FREM1: variants seen among roughly 807,000 people sequenced by gnomAD.
The protein encoded by FREM1 is FRAS1 related extracellular matrix 1, also known as FRAS1-related extracellular matrix protein 1.
A neutral mutation model predicts 210.1 loss-of-function variants in FREM1; 220 were observed. The observed-to-expected ratio is 1.05, with a 90% CI of 0.94 to 1.17. FREM1 has a LOEUF of 1.17. FREM1 is among the 50% of genes most tolerant of loss of function. FREM1 has a pLI of 0.00. For missense variants in FREM1, 3,454 were observed against 2,675.5 expected (o/e 1.29, Z -6.42); for synonymous variants, 1,189 against 980.2 (o/e 1.21, Z -3.98).
intron 1 of FREM1, among the ~76,000 whole-genome samples, chr9:14,890,553 T>TAAAAC (rs542986658): frequency 1.0e-3 from 158 of 152,304 alleles, no homozygotes; most frequent in African/African-American, 2.8e-3. Context: ...TCTTTTTCAT[T>TAAAAC]AAAACAAAAC....
intron 8 of FREM1, 90 bp downstream of exon 8, chr9:14,845,870 A>G: frequency 1.5e-6 from 2 of 1,328,078 alleles, no homozygotes; most frequent in South Asian, 2.6e-5. Flanking sequence ...AATTGGGCCC[A>G]AGAGATGCTA....
Position 14,780,907 on chromosome 9 carries a change from T to C in FREM1, c.4442+3463A>G, listed in dbSNP as rs546944960. Among the ~76,000 whole-genome samples the C allele has an allele frequency of 2.6e-5, 4 of 152,316 alleles. No homozygotes were observed. The South Asian group carries it at 6.2e-4, about 24-fold the overall frequency. On this transcript the variant is annotated intron_variant, in intron 24 of 36. Transcript: ENST00000380880. ...TGACAAACAACATAGCAGTCCGTGA[T>C]TGGGTTAGTGAAATGACAAGATTAA...
chr9:14,787,853 G>A (rs1587975581), intron 23 of FREM1, among the ~76,000 whole-genome samples: 3 of 152,152 alleles, frequency 2.0e-5, no homozygotes, highest in Admixed American at 2.0e-4. Context: ...AGAGATAAAT[G>A]TGTACAGTAA....
intron 10 of FREM1, among the ~76,000 whole-genome samples, chr9:14,831,939 G>GA (rs1414783112): frequency 2.0e-5 from 3 of 152,164 alleles, no homozygotes; most frequent in Non-Finnish European, 2.9e-5. Flanking sequence ...TAGCTGGGGG[G>GA]ACGCCCTCTA....
chr9:14,873,697 T>C (rs1833159035), intron 1 of FREM1, among the ~76,000 whole-genome samples: 1 of 152,238 alleles, frequency 6.6e-6, no homozygotes, highest in Non-Finnish European at 1.5e-5. Flanking sequence ...AGTTATTTCT[T>C]GCCTTCTGCT....
At position 14,848,647 on chromosome 9, in the gene FREM1, C is replaced by A; in HGVS notation, c.1261+18G>T. 7.0e-7 allele frequency: 1 copy of A among 1,429,454 alleles called. No homozygotes were observed. Among genetic ancestry groups the A allele is most frequent in the Non-Finnish European group, 9.9e-7 (1 of 1,013,204 alleles). The allele number at this position is 1,429,454 out of a possible 1,614,324, so 88.5% of individuals were successfully genotyped here. On this transcript the variant is annotated intron_variant, in intron 7 of 36. Transcript: ENST00000380880. ...CCCTTCAGGGCTATGTTGCTCTATG[C>A]CTTATATTGAGCTTTACCTGTATTC...
In FREM1 at chr9:14,801,477, C is replaced by A. The variant is rs533611072; in HGVS notation, c.3694+175G>T. Among the ~76,000 whole-genome samples the A allele has an allele frequency of 2.0e-5, 3 of 152,316 alleles. No homozygotes were observed. The South Asian group carries it at 6.2e-4, about 32-fold the overall frequency. Reference sequence around the variant, plus strand: ...TCTTGAACTTACTTCTCCTGTCTAACCGAAATTTCATATCCTTTAACCAAC... The same window carrying A: ...TCTTGAACTTACTTCTCCTGTCTAAACGAAATTTCATATCCTTTAACCAAC... On this transcript the variant is annotated intron_variant, in intron 20 of 36. Transcript: ENST00000380880.
At chr9:14,854,766 T>C (rs1247301769) in intron 5 of FREM1, among the ~76,000 whole-genome samples, 3 of 152,076 alleles carry the variant, frequency 2.0e-5, no homozygotes, top group African/African-American at 4.8e-5. Flanking sequence ...CTGTTTATCA[T>C]CAATAACCAT....
chr9:14,863,706 C>A, intron 3 of FREM1, 103 bp downstream of exon 3: 1 of 669,068 alleles, frequency 1.5e-6, no homozygotes. Context: ...TGTCTGGAAT[C>A]TATTAACTCC....
intron 20 of FREM1, among the ~76,000 whole-genome samples, chr9:14,799,893 C>G (rs1419342065): frequency 1.3e-5 from 2 of 150,716 alleles, no homozygotes; most frequent in Non-Finnish European, 2.9e-5. Flanking sequence ...GTGTGCTGCA[C>G]CCATTAACTC....
intron 16 of FREM1, among the ~76,000 whole-genome samples, chr9:14,810,163 G>T (rs1460971149): frequency 6.6e-6 from 1 of 151,904 alleles, no homozygotes; most frequent in East Asian, 1.9e-4. Flanking sequence ...TAGAACATTG[G>T]GACAGATGGG....
At chr9:14,793,459 C>A (rs964962792) in intron 21 of FREM1, among the ~76,000 whole-genome samples, 10 of 152,118 alleles carry the variant, frequency 6.6e-5, no homozygotes, top group African/African-American at 2.2e-4. Context: ...TTACAGATGC[C>A]AGGTCAGCTC....
At chr9:14,817,531 C>G (rs1157582434) in intron 14 of FREM1, among the ~76,000 whole-genome samples, 2 of 152,144 alleles carry the variant, frequency 1.3e-5, no homozygotes, top group African/African-American at 4.8e-5. Context: ...TAATTATAGG[C>G]CCTCCACATA....
At chr9:14,746,210 C>T (rs921400840) in intron 35 of FREM1, 143 bp downstream of exon 35, 3 of 588,458 alleles carry the variant, frequency 5.1e-6, no homozygotes, top group Admixed American at 3.0e-5. Context: ...CTAGGGAACT[C>T]CCTCAGGGCT....
In FREM1 at chr9:14,842,345, A is replaced by T; in HGVS notation, c.1709T>A (p.Ile570Asn). ...CAGTCCTGGCCCTGGCTTCTTCATG[A>T]TCTCCCCAGCCTGTGGAGGCTTTGT... ...NITKPPQAGE[I>N]MKKPGPGLIG... Residue 570 changes from isoleucine (I) to asparagine (N), a missense_variant, in exon 9 of 37, where the codon ATC (isoleucine) becomes AAC (asparagine). Transcript: ENST00000380880. 1 of 1,596,100 alleles carries T rather than the reference A, an allele frequency of 6.3e-7. No individual in the cohort carries two copies. Among genetic ancestry groups the T allele is most frequent in the South Asian group, 1.1e-5 (1 of 87,962 alleles).
intron 1 of FREM1, among the ~76,000 whole-genome samples, chr9:14,872,530 CT>C (rs1313896684): frequency 6.6e-6 from 1 of 152,124 alleles, no homozygotes; most frequent in Non-Finnish European, 1.5e-5. Flanking sequence ...TATCCTGAGA[CT>C]TTGCTGAAGT....
chr9:14,743,855 A>C (rs1013661667), intron 35 of FREM1, among the ~76,000 whole-genome samples: 2 of 152,058 alleles, frequency 1.3e-5, no homozygotes, highest in Non-Finnish European at 2.9e-5. Context: ...GCTTTTGATC[A>C]ACATCAAAGC....
chr9:14,900,032 A>C (rs547167587), intron 1 of FREM1, among the ~76,000 whole-genome samples: 2 of 152,310 alleles, frequency 1.3e-5, no homozygotes, highest in East Asian at 1.9e-4. Context: ...TGGCCTGGGA[A>C]AAAGCACTGG....
intron 36 of FREM1, among the ~76,000 whole-genome samples, chr9:14,739,262 C>G (rs1329923432): frequency 6.6e-6 from 1 of 150,614 alleles, no homozygotes; most frequent in Non-Finnish European, 1.5e-5. Context: ...TGCCACCATG[C>G]CTGGCTAATT....
Sources: gnomAD v4.1 joint callset for allele counts (sites outside exome capture counted in the v4.1 genomes callset) on GRCh38, gnomAD v4.1.1 for gene constraint, MANE v1.5 for transcripts, NCBI Gene and HGNC (gene_info 2026-07-23, HGNC 2026-07-21) for gene names.